Variants in CDK19 observed in about 807,000 individuals in gnomAD.
CDK19 encodes the protein cyclin dependent kinase 19.
Under a neutral mutation model 68.3 loss-of-function variants are expected in CDK19, and 20 were observed. That is an observed-to-expected ratio of 0.29 (90% CI 0.21 to 0.43). The LOEUF (loss-of-function observed/expected upper bound fraction) is 0.43. CDK19 is among the 20% of genes least tolerant of loss of function. The probability of loss-of-function intolerance (pLI) is 1.00; values close to 1 mark genes in which losing one functional copy is unlikely to be tolerated. For synonymous variants in CDK19, 221 were observed against 222.8 expected (o/e 0.99, Z 0.07); for missense variants, 339 against 623.5 (o/e 0.54, Z 4.86).
chr6:110,720,768 G>T (rs1775808693), intron 2 of CDK19, among the ~76,000 whole-genome samples: 1 of 151,018 alleles, frequency 6.6e-6, no homozygotes, highest in Admixed American at 6.6e-5. Flanking sequence ...TTGGGAGGCT[G>T]AGACAGGAGA....
chr6:110,803,735 G>A (rs892900322), intron 1 of CDK19, among the ~76,000 whole-genome samples: 2 of 152,228 alleles, frequency 1.3e-5, no homozygotes, highest in African/African-American at 4.8e-5. Flanking sequence ...GGAGGCCAAA[G>A]CGGGTAGATG....
intron 1 of CDK19, chr6:110,814,802 C>G: frequency 5.7e-6 from 4 of 698,930 alleles, no homozygotes; most frequent in Admixed American, 2.2e-5. Flanking sequence ...CGGGCTGCGC[C>G]GCGGGAGTTC....
intron 2 of CDK19, among the ~76,000 whole-genome samples, chr6:110,739,200 T>A (rs995250986): frequency 1.3e-5 from 2 of 152,090 alleles, no homozygotes; most frequent in African/African-American, 4.8e-5. Flanking sequence ...GTGATGATAT[T>A]AGGACATGAG....
chr6:110,723,297 T>G (rs1194416349), intron 2 of CDK19, among the ~76,000 whole-genome samples: 1 of 152,136 alleles, frequency 6.6e-6, no homozygotes, highest in Non-Finnish European at 1.5e-5. Context: ...CAAACTATTT[T>G]GGCCCCCAGG....
intron 4 of CDK19, among the ~76,000 whole-genome samples, chr6:110,643,991 C>G (rs979677424): frequency 1.3e-5 from 2 of 151,624 alleles, no homozygotes; most frequent in African/African-American, 4.8e-5. Context: ...AAAAATTAAA[C>G]TTTTAAAAAT....
At chr6:110,685,015 G>A (rs561625748) in intron 2 of CDK19, among the ~76,000 whole-genome samples, 18 of 152,146 alleles carry the variant, frequency 1.2e-4, no homozygotes, top group Non-Finnish European at 2.4e-4. Context: ...GCTTGTGCCT[G>A]TAGTCCCAGC....
chr6:110,720,034 G>A (rs1202193640), intron 2 of CDK19, among the ~76,000 whole-genome samples: 1 of 128,510 alleles, frequency 7.8e-6, no homozygotes, highest in African/African-American at 3.0e-5. Context: ...ACAGGCATGA[G>A]CCACTGTGCT....
chr6:110,631,264 C>T (rs1779417993), intron 6 of CDK19, among the ~76,000 whole-genome samples: 1 of 152,170 alleles, frequency 6.6e-6, no homozygotes, highest in Non-Finnish European at 1.5e-5. Context: ...TCCCTTCTAA[C>T]AGCTACAATG....
rs1778096636 is a variant in CDK19 at position 110,612,809 on chromosome 6, T to G, written c.*1726A>C. On this transcript the variant is annotated 3_prime_UTR_variant, in exon 13 of 13. Coordinates refer to ENST00000368911, the MANE Select transcript of CDK19 (RefSeq NM_015076.5). ...TCTTCAGTCTTGATGAGTGTCACTA[T>G]GCAGACTTCATTATTAGTGAGCATT... 1 of 152,672 alleles carries G rather than the reference T, an allele frequency of 6.5e-6. No individual in the cohort carries two copies. Among genetic ancestry groups the G allele is most frequent in the African/African-American group, 2.4e-5 (1 of 41,462 alleles). The allele number at this position is 152,672 out of a possible 1,614,324, so 9.5% of individuals were successfully genotyped here.
rs377146258 is a variant in CDK19, at chr6:110,614,699, G to C, written c.1378-33C>G. 112 of 1,610,624 alleles carry C rather than the reference G, an allele frequency of 7.0e-5. 1 individual carries two copies. Among genetic ancestry groups the C allele is most frequent in the South Asian group, 6.8e-4 (62 of 90,892 alleles). Reference sequence around the variant, plus strand: ...AAGGAAACAGGAAAAGGGAATTACTGATGGAGGAAGAGGATGACTCAAGAT... The same window carrying C: ...AAGGAAACAGGAAAAGGGAATTACTCATGGAGGAAGAGGATGACTCAAGAT... On this transcript the variant is annotated intron_variant, in intron 12 of 12. Coordinates refer to ENST00000368911, the MANE Select transcript of CDK19 (RefSeq NM_015076.5).
chr6:110,618,833 C>T (rs888117093), intron 12 of CDK19, among the ~76,000 whole-genome samples: 17 of 152,076 alleles, frequency 1.1e-4, no homozygotes, highest in African/African-American at 3.6e-4. Flanking sequence ...CCTCCCTCTG[C>T]TATGCTGTCT....
At chr6:110,687,331 G>A (rs981128383) in intron 2 of CDK19, among the ~76,000 whole-genome samples, 9 of 152,116 alleles carry the variant, frequency 5.9e-5, no homozygotes, top group Non-Finnish European at 1.2e-4. Flanking sequence ...AATTATTAAT[G>A]GCTAAATTAC....
intron 1 of CDK19, 106 bp downstream of exon 1, chr6:110,814,903 C>T: frequency 6.7e-7 from 1 of 1,489,008 alleles, no homozygotes; most frequent in Non-Finnish European, 9.2e-7. Context: ...CCCCCTCCGC[C>T]TCGCCCCTCG....
intron 1 of CDK19, among the ~76,000 whole-genome samples, chr6:110,787,659 C>T (rs1781322406): frequency 6.6e-6 from 1 of 152,160 alleles, no homozygotes; most frequent in Non-Finnish European, 1.5e-5. Flanking sequence ...CCAAGCTGGT[C>T]TCAAACTCCT....
intron 2 of CDK19, among the ~76,000 whole-genome samples, chr6:110,740,297 G>A (rs910861979): frequency 6.6e-6 from 1 of 152,030 alleles, no homozygotes; most frequent in African/African-American, 2.4e-5. Context: ...AGATCACAGA[G>A]GCCACAAATG....
intron 1 of CDK19, among the ~76,000 whole-genome samples, chr6:110,771,450 C>A (rs1042382268): frequency 1.3e-5 from 2 of 152,140 alleles, no homozygotes; most frequent in Non-Finnish European, 2.9e-5. Context: ...TGCAGGGCAC[C>A]AAGTCCCTAG....
chr6:110,658,312 G>A (rs1441325968), intron 4 of CDK19, among the ~76,000 whole-genome samples: 3 of 152,160 alleles, frequency 2.0e-5, no homozygotes, highest in Non-Finnish European at 4.4e-5. Flanking sequence ...ATTTGCAATT[G>A]TCCAAAATCA....
At chr6:110,719,972 G>GCCCCCCCCCCCCCCCCCCCCCCCCCCCC (rs1167384607) in intron 2 of CDK19, among the ~76,000 whole-genome samples, 4 of 45,550 alleles carry the variant, frequency 8.8e-5, no homozygotes, top group Non-Finnish European at 1.7e-4. Context: ...CTTGTGATCC[G>GCCCCCCCCCCCCCCCCCCCCCCCCCCCC]CCCCCCCCCC....
chr6:110,617,684 C>T lies in CDK19; in HGVS notation c.1378-3018G>A, dbSNP rs1398424118. On this transcript the variant is annotated intron_variant, in intron 12 of 12. Transcript: ENST00000368911. ...ATATACACACACACACACACACACACACACACACACACACACACACAAATT... is the reference window on the plus strand; with the variant it reads ...ATATACACACACACACACACACACATACACACACACACACACACACAAATT... 9.6e-4 allele frequency among the ~76,000 whole-genome samples: 140 copies of T among 146,138 alleles called. 4 individuals are homozygous for T. The East Asian group carries it at 0.022, about 23-fold the overall frequency.
Sources: allele counts gnomAD v4.1 joint callset (sites outside exome capture counted in the v4.1 genomes callset), GRCh38; gene constraint gnomAD v4.1.1; transcripts MANE v1.5; gene names NCBI Gene and HGNC (gene_info 2026-07-23, HGNC 2026-07-21).